PSMC2: variants seen among roughly 807,000 people sequenced by gnomAD.
PSMC2 encodes 26S proteasome regulatory subunit 7.
In PSMC2, 7 loss-of-function variants were observed where a neutral mutation model predicts 53.3. The ratio of observed to expected loss-of-function variants is 0.13; its 90% CI spans 0.07 to 0.25. The LOEUF (loss-of-function observed/expected upper bound fraction) is 0.25. Among genes scored for constraint, PSMC2 ranks in the 10% least tolerant of loss-of-function variants. PSMC2 has a pLI of 1.00. For synonymous variants in PSMC2, 169 were observed against 183.9 expected (o/e 0.92, Z 0.66); for missense variants, 241 against 544.0 (o/e 0.44, Z 5.54).
In PSMC2 at chr7:103,364,186, T is replaced by C. The variant is rs1383127080; in HGVS notation, c.635T>C (p.Val212Ala). 6.2e-7 allele frequency: 1 copy of C among 1,614,186 alleles called. No homozygotes were observed. Among genetic ancestry groups the C allele is most frequent in the Non-Finnish European group, 8.5e-7 (1 of 1,180,042 alleles). ...VNLGIEPPKGVLLFGPPGTGK... is the reference protein window; with the variant it reads ...VNLGIEPPKGALLFGPPGTGK... ...CTTGGCATTGAGCCTCCCAAGGGCGTGCTGCTCTTTGGTCCACCCGGTACA... is the reference window on the plus strand; with the variant it reads ...CTTGGCATTGAGCCTCCCAAGGGCGCGCTGCTCTTTGGTCCACCCGGTACA... Residue 212 changes from valine to alanine, a missense_variant, in exon 8 of 12, where the codon GTG becomes GCG. Around this residue, in one of 6 missense-constraint regions of PSMC2, gnomAD observed 26 missense variants for 104.7 expected, o/e 0.25. Coordinates refer to ENST00000292644, the MANE Select transcript of PSMC2 (RefSeq NM_002803.4).
intron 1 of PSMC2, among the ~76,000 whole-genome samples, chr7:103,348,253 G>T (rs907406759): frequency 6.6e-6 from 1 of 152,108 alleles, no homozygotes; most frequent in Non-Finnish European, 1.5e-5. Flanking sequence ...GAAAAGCCTC[G>T]CATCCTTGGC....
At chr7:103,349,341 A>AT (rs1329909365) in intron 1 of PSMC2, among the ~76,000 whole-genome samples, 1 of 152,152 alleles carries the variant, frequency 6.6e-6, no homozygotes, top group Non-Finnish European at 1.5e-5. Flanking sequence ...GTGCACAGTG[A>AT]TCTGTGTGTT....
intron 8 of PSMC2, among the ~76,000 whole-genome samples, chr7:103,365,605 G>C (rs1820675404): frequency 6.6e-6 from 1 of 152,064 alleles, no homozygotes; most frequent in African/African-American, 2.4e-5. Context: ...CACCAGCCTG[G>C]GCAACAAGAG....
intron 1 of PSMC2, 140 bp downstream of exon 1, chr7:103,347,921 G>GCCAT (rs767817089): frequency 1.5e-4 from 128 of 865,382 alleles, no homozygotes; most frequent in Admixed American, 6.7e-4. Flanking sequence ...CTGGACACCG[G>GCCAT]CCGGATTAAC....
At chr7:103,360,537 G>T (rs2116211147) in intron 4 of PSMC2, among the ~76,000 whole-genome samples, 1 of 152,218 alleles carries the variant, frequency 6.6e-6, no homozygotes, top group East Asian at 1.9e-4. Context: ...GGGACTACAG[G>T]TGCATCCCAC....
In PSMC2 at chr7:103,360,980, G is replaced by A. The variant is rs141581924; in HGVS notation, c.291-977G>A. ...TACAAAACAATTAGCCGGGCGTGCT[G>A]GCGCATTCCTGTAATGCCAGCTACT... On this transcript the variant is annotated intron_variant, in intron 4 of 11. Coordinates refer to ENST00000292644, the MANE Select transcript of PSMC2 (RefSeq NM_002803.4). Among the ~76,000 whole-genome samples the A allele has an allele frequency of 1.3e-3, 197 of 152,146 alleles. No individual in the cohort carries two copies. In the Middle Eastern group the frequency reaches 0.014, roughly 11 times the overall value.
At chr7:103,349,001 A>C (rs1404130273) in intron 1 of PSMC2, among the ~76,000 whole-genome samples, 1 of 152,250 alleles carries the variant, frequency 6.6e-6, no homozygotes, top group Admixed American at 6.5e-5. Flanking sequence ...CTTACAGTGC[A>C]TGAGATATGC....
At chr7:103,356,642 T>A (rs1820050254) in intron 4 of PSMC2, among the ~76,000 whole-genome samples, 2 of 152,266 alleles carry the variant, frequency 1.3e-5, no homozygotes, top group Admixed American at 1.3e-4. Flanking sequence ...GTTCTTGGGT[T>A]GTTTCTTGTT....
chr7:103,361,824 C>A, intron 4 of PSMC2, 133 bp from the exon 5 acceptor site: 3 of 845,000 alleles, frequency 3.6e-6, no homozygotes, highest in Non-Finnish European at 5.1e-6. Context: ...AGAAAAGGAT[C>A]TTTAACAGTG....
rs539934273 is a variant in PSMC2 at position 103,352,689 on chromosome 7, C to T, written c.71-1232C>T. The T allele has an allele frequency of 1.9e-3, 1,129 of 597,782 alleles. 10 individuals are homozygous for T. The highest frequency in any genetic ancestry group is 0.014 in the South Asian group (736 of 53,210). The allele number at this position is 597,782 out of a possible 1,614,324, so 37.0% of individuals were successfully genotyped here. A position where few individuals can be genotyped will look rare whatever the true frequency, so the allele number is the denominator to read the frequency against. Reference sequence around the variant, plus strand: ...GATTACAAGTGTGAGCCACAGCATCCGGCTGATTATAATCTTAAATCCTAA... The same window carrying T: ...GATTACAAGTGTGAGCCACAGCATCTGGCTGATTATAATCTTAAATCCTAA... On this transcript the variant is annotated intron_variant, in intron 1 of 11. Coordinates refer to ENST00000292644, the MANE Select transcript of PSMC2 (RefSeq NM_002803.4).
intron 1 of PSMC2, among the ~76,000 whole-genome samples, chr7:103,350,412 C>T (rs892447507): frequency 1.8e-4 from 28 of 152,266 alleles, no homozygotes; most frequent in African/African-American, 6.3e-4. Context: ...ATATGTATCT[C>T]TAATCACGGT....
chr7:103,347,646 A>T lies in PSMC2; in HGVS notation c.-66A>T. The T allele has an allele frequency of 3.2e-6, 5 of 1,577,752 alleles. No individual in the cohort carries two copies. Among genetic ancestry groups the T allele is most frequent in the Non-Finnish European group, 4.4e-6 (5 of 1,147,748 alleles). The stretch of plus-strand genomic sequence containing the variant: ...TTCCGGTGGGGAAGGGAAAGGGAAG[A>T]CACCACCGGAAGCAAGGAAGGTGCT... On this transcript the variant is annotated 5_prime_UTR_variant, in exon 1 of 12. Coordinates refer to ENST00000292644, the MANE Select transcript of PSMC2 (RefSeq NM_002803.4).
intron 6 of PSMC2, among the ~76,000 whole-genome samples, chr7:103,363,027 C>G (rs1820505106): frequency 6.6e-6 from 1 of 152,178 alleles, no homozygotes; most frequent in South Asian, 2.1e-4. Context: ...CTCATGACCT[C>G]AAGTGTTTGG....
At position 103,368,102 on chromosome 7, in the gene PSMC2, A is replaced by T. The variant is rs1803991; in HGVS notation, c.*48A>T. 8.6e-6 allele frequency: 13 copies of T among 1,505,720 alleles called. No homozygotes were observed. Among genetic ancestry groups the T allele is most frequent in the Non-Finnish European group, 1.1e-5 (12 of 1,113,616 alleles). The allele number at this position is 1,505,720 out of a possible 1,614,324, so 93.3% of individuals were successfully genotyped here. A position where few individuals can be genotyped will look rare whatever the true frequency, so the allele number is the denominator to read the frequency against. On this transcript the variant is annotated 3_prime_UTR_variant, in exon 12 of 12. Transcript: ENST00000292644. ...AACTTTAAATTGGAATCCTAACCTT[A>T]TATAGACTTGTTAATAACCAATTCA... is the stretch of plus-strand genomic sequence containing the variant.
intron 1 of PSMC2, among the ~76,000 whole-genome samples, chr7:103,349,224 TC>T (rs1465077333): frequency 6.6e-6 from 1 of 152,174 alleles, no homozygotes; most frequent in African/African-American, 2.4e-5. Flanking sequence ...CTTTCTACCT[TC>T]ATCTCATTCT....
chr7:103,363,540 C>A, intron 7 of PSMC2, 101 bp downstream of exon 7: 1 of 1,054,066 alleles, frequency 9.5e-7, no homozygotes, highest in Non-Finnish European at 1.4e-6. Flanking sequence ...TTAATATTTT[C>A]CCTAATGAGA....
chr7:103,360,317 T>G (rs1294179161), intron 4 of PSMC2, among the ~76,000 whole-genome samples: 1 of 152,218 alleles, frequency 6.6e-6, no homozygotes, highest in East Asian at 1.9e-4. Context: ...GTATTATTGC[T>G]GTTTGTTGTT....
At position 103,352,215 on chromosome 7, in the gene PSMC2, T is replaced by TAAAAAAA. The variant is rs769618353; in HGVS notation, c.71-1681_71-1675dup. ...TTTCCTACCTCTACTCATACTTAGT[T>TAAAAAAA]AAAAAAAAAAAAAAAAAAAAAAAAA... On this transcript the variant is annotated intron_variant, in intron 1 of 11. Transcript: ENST00000292644. Among the ~76,000 whole-genome samples, 37 of 40,620 alleles carry TAAAAAAA rather than the reference T, an allele frequency of 9.1e-4. 5 individuals carry two copies. The highest frequency in any genetic ancestry group is 2.4e-3 in the East Asian group (3 of 1,268). The allele number at this position is 40,620 out of a possible 152,430, so 26.6% of individuals were successfully genotyped here. A position where few individuals can be genotyped will look rare whatever the true frequency, so the allele number is the denominator to read the frequency against.
Position 103,364,227 on chromosome 7 carries a change from G to A in PSMC2, c.676G>A (p.Ala226Thr). Residue 226 changes from alanine (A) to threonine (T), a missense_variant, in exon 8 of 12, where the codon GCG (alanine) becomes ACG (threonine). Ala to Thr is a moderately conservative substitution (Grantham distance 58). This residue lies in a region of PSMC2 where 26 missense variants were observed against 104.7 expected (regional missense o/e 0.25). Coordinates refer to ENST00000292644, the MANE Select transcript of PSMC2 (RefSeq NM_002803.4). ...ACCCGGTACAGGCAAGACACTCTGT[G>A]CGCGGGCAGTTGCTAATCGGACTGA... is the stretch of plus-strand genomic sequence containing the variant. ...GPPGTGKTLC[A>T]RAVANRTDAC... 6.2e-7 allele frequency: 1 copy of A among 1,614,224 alleles called. No individual in the cohort carries two copies. Among genetic ancestry groups the A allele is most frequent in the Non-Finnish European group, 8.5e-7 (1 of 1,180,040 alleles).
Sources: allele counts gnomAD v4.1 joint callset (sites outside exome capture counted in the v4.1 genomes callset), GRCh38; gene constraint gnomAD v4.1.1; regional missense constraint gnomAD v4.1.1; transcripts MANE v1.5; gene names NCBI Gene and HGNC (gene_info 2026-07-23, HGNC 2026-07-21).